Variants in CACNA1B observed in about 807,000 individuals in gnomAD.
CACNA1B encodes the protein voltage-dependent N-type calcium channel subunit alpha-1B.
CACNA1B carries 70 observed loss-of-function variants against 247.2 expected under a neutral mutation model. That is an observed-to-expected ratio of 0.28 (90% CI 0.23 to 0.35). The LOEUF is 0.35. Among genes scored for constraint, CACNA1B ranks in the 10% least tolerant of loss-of-function variants. CACNA1B has a pLI of 1.00. For synonymous variants in CACNA1B, 1,231 were observed against 1,294.4 expected (o/e 0.95, Z 1.05); for missense variants, 2,367 against 3,197.4 (o/e 0.74, Z 6.26).
intron 3 of CACNA1B, among the ~76,000 whole-genome samples, chr9:137,894,541 T>A (rs1391776381): frequency 6.6e-6 from 1 of 152,046 alleles, no homozygotes; most frequent in Non-Finnish European, 1.5e-5. Context: ...CCCGAGTAGC[T>A]GGGACTGCAG....
rs758320901 is a variant in CACNA1B, at chr9:138,117,902, C to T, written c.5778-44C>T. On this transcript the variant is annotated intron_variant, in intron 42 of 46. Coordinates refer to ENST00000371372, the MANE Select transcript of CACNA1B (RefSeq NM_000718.4). The stretch of plus-strand genomic sequence containing the variant: ...CACCAGGCTATTGGTAAGGCACCTG[C>T]AGTCTCTGACCCTACAGGAATCTGT... 4.0e-6 allele frequency: 6 copies of T among 1,486,572 alleles called. No homozygotes were observed. The East Asian group carries it at 1.4e-4, about 36-fold the overall frequency. 92.1% of individuals were successfully genotyped at this position (1,486,572 alleles called of 1,614,324 possible).
Position 137,952,286 on chromosome 9 carries a change from G to T in CACNA1B, c.979G>T (p.Ala327Ser). 1.2e-6 allele frequency: 2 copies of T among 1,613,604 alleles called. No individual in the cohort carries two copies. The highest frequency in any genetic ancestry group is 1.7e-6 in the Non-Finnish European group (2 of 1,179,674). ...TDILYNTNDA[A>S]GNTWNWLYFI... ...TCCTTGCTTCCAGACAAACGATGCG[G>T]CCGGCAACACCTGGAACTGGCTCTA... The change falls in exon 7 of 47, where the codon GCC becomes TCC. Residue 327 changes from alanine to serine, a missense_variant. By Grantham distance (99) the Ala-to-Ser change is moderately conservative (BLOSUM62 1). Around this residue, in one of 12 missense-constraint regions of CACNA1B, gnomAD observed 32 missense variants for 37.2 expected, o/e 0.86. Transcript: ENST00000371372. This position sits in a 1 kb window ranked among gnomAD's most constrained non-coding sequence, Gnocchi z 4.8.
At chr9:138,105,403 C>T (rs1961386385) in intron 38 of CACNA1B, among the ~76,000 whole-genome samples, 1 of 152,190 alleles carries the variant, frequency 6.6e-6, no homozygotes, top group African/African-American at 2.4e-5. Flanking sequence ...GGCAGGGGTC[C>T]CTCAGGGTGA....
intron 20 of CACNA1B, among the ~76,000 whole-genome samples, chr9:138,032,057 G>C (rs956754916): frequency 1.3e-5 from 2 of 151,836 alleles, no homozygotes; most frequent in African/African-American, 4.8e-5. Flanking sequence ...TTCTCTTTCT[G>C]TTTTTCATTT....
intron 31 of CACNA1B, among the ~76,000 whole-genome samples, chr9:138,062,088 T>C (rs1959745055): frequency 6.6e-6 from 1 of 152,218 alleles, no homozygotes; most frequent in Admixed American, 6.5e-5. Flanking sequence ...ACCCCATGCC[T>C]GTTCCCAAGG....
chr9:138,003,401 A>G (rs1958606017), intron 15 of CACNA1B, among the ~76,000 whole-genome samples: 1 of 151,126 alleles, frequency 6.6e-6, no homozygotes, highest in Non-Finnish European at 1.5e-5. Flanking sequence ...TCTATCTCCA[A>G]AGTGTTGGGA....
Position 138,050,980 on chromosome 9 carries a change from C to G in CACNA1B, c.3711-1112C>G, listed in dbSNP as rs1434916896. 6.6e-6 allele frequency among the ~76,000 whole-genome samples: 1 copy of G among 152,140 alleles called. No homozygotes were observed. Among genetic ancestry groups the G allele is most frequent in the Admixed American group, 6.5e-5 (1 of 15,282 alleles). On this transcript the variant is annotated intron_variant, in intron 24 of 46. Coordinates refer to ENST00000371372, the MANE Select transcript of CACNA1B (RefSeq NM_000718.4). The surrounding 1 kb of genome is among the most constrained non-coding windows in gnomAD (Gnocchi z 5.2). ...AGTGTTGCTGGAGCCCCAGGAAGAG[C>G]ACAGGGGGCAGGGCCACCCCTAGAA...
At chr9:137,975,242 C>T (rs1260517584) in intron 11 of CACNA1B, among the ~76,000 whole-genome samples, 1 of 152,176 alleles carries the variant, frequency 6.6e-6, no homozygotes, top group Non-Finnish European at 1.5e-5. Context: ...GCTGCTGTGC[C>T]CGCAGGAACC....
rs896359166 is a variant in CACNA1B, at chr9:138,007,022, A to C, written c.2092+138A>C. Reference sequence around the variant, plus strand: ...CATTCTCAGAGCTGAGTGCAGATGGAGAACATTCTGCAGGTGGCCGGAGCG... The same window carrying C: ...CATTCTCAGAGCTGAGTGCAGATGGCGAACATTCTGCAGGTGGCCGGAGCG... On this transcript the variant is annotated intron_variant, in intron 16 of 46. Transcript: ENST00000371372. The surrounding 1 kb of genome is among the most constrained non-coding windows in gnomAD (Gnocchi z 4.1). 1.3e-4 allele frequency: 83 copies of C among 620,030 alleles called. No individual in the cohort carries two copies. The Admixed American group carries it at 2.0e-3, about 15-fold the overall frequency. The allele number at this position is 620,030 out of a possible 1,614,324, so 38.4% of individuals were successfully genotyped here. A position where few individuals can be genotyped will look rare whatever the true frequency, so the allele number is the denominator to read the frequency against.
In CACNA1B at chr9:138,000,129, C is replaced by T. The variant is rs112365081; in HGVS notation, c.1975-6638C>T. 8.2e-3 allele frequency among the ~76,000 whole-genome samples: 1,211 copies of T among 147,984 alleles called. 6 individuals are homozygous for T. The highest frequency in any genetic ancestry group is 0.013 in the South Asian group (61 of 4,674). ...TTTTTTTTTTTTTGAGATGGAGTCT[C>T]GCTCTGTCGCCCAGGCTGGAGTGCA... On this transcript the variant is annotated intron_variant, in intron 15 of 46. Transcript: ENST00000371372.
At position 137,899,017 on chromosome 9, in the gene CACNA1B, C is replaced by T. The variant is rs1296993990; in HGVS notation, c.531-14163C>T. 1.3e-5 allele frequency among the ~76,000 whole-genome samples: 2 copies of T among 152,038 alleles called. No homozygotes were observed. Among genetic ancestry groups the T allele is most frequent in the East Asian group, 3.9e-4 (2 of 5,188 alleles). ...AAACTCCTGGACTCAAGCAGTCCTC[C>T]CGCCTCAGCTTTCCAAAGTGCTGGG... On this transcript the variant is annotated intron_variant, in intron 3 of 46. Transcript: ENST00000371372. The surrounding 1 kb of genome is among the most constrained non-coding windows in gnomAD (Gnocchi z 5.0).
In CACNA1B at chr9:137,917,922, G is replaced by C. The variant is rs1957430625; in HGVS notation, c.966+491G>C. 6.6e-6 allele frequency among the ~76,000 whole-genome samples: 1 copy of C among 152,212 alleles called. No individual in the cohort carries two copies. The highest frequency in any genetic ancestry group is 6.5e-5 in the Admixed American group (1 of 15,292). ...CAGCTGTTGCTGTGCCACCCCTCTAGGGTCTCTGTTGGAGTTGAGGGACAG... is the reference window on the plus strand; with the variant it reads ...CAGCTGTTGCTGTGCCACCCCTCTACGGTCTCTGTTGGAGTTGAGGGACAG... On this transcript the variant is annotated intron_variant, in intron 6 of 46. Coordinates refer to ENST00000371372, the MANE Select transcript of CACNA1B (RefSeq NM_000718.4). This position sits in a 1 kb window ranked among gnomAD's most constrained non-coding sequence, Gnocchi z 5.5.
At chr9:138,119,953 C>T (rs149932768) in intron 44 of CACNA1B, among the ~76,000 whole-genome samples, 12 of 152,324 alleles carry the variant, frequency 7.9e-5, no homozygotes, top group East Asian at 1.9e-4. Flanking sequence ...CTTCCTGGCA[C>T]GACACATGGG....
intron 6 of CACNA1B, among the ~76,000 whole-genome samples, chr9:137,942,889 G>GAA (rs1358024444): frequency 6.6e-6 from 1 of 152,082 alleles, no homozygotes; most frequent in Non-Finnish European, 1.5e-5. Context: ...ATAGGTGCAC[G>GAA]AAAATCTCAT....
chr9:138,068,122 C>T (rs190929623), intron 31 of CACNA1B, among the ~76,000 whole-genome samples: 5 of 152,214 alleles, frequency 3.3e-5, no homozygotes, highest in African/African-American at 7.2e-5. Flanking sequence ...AAGAAGCCTG[C>T]GGGCAGCCTG....
rs138443081 is a variant in CACNA1B, at chr9:138,066,166, A to G, written c.4669-3592A>G. Among the ~76,000 whole-genome samples, 47 of 152,360 alleles carry G rather than the reference A, an allele frequency of 3.1e-4. No individual in the cohort carries two copies. In the East Asian group the frequency reaches 8.9e-3, roughly 29 times the overall value. On this transcript the variant is annotated intron_variant, in intron 31 of 46. Transcript: ENST00000371372. ...CCATGTAATTTGGGCTCCTTCCTGCAGGGGAGCTCTGAGGGTAGTGTGGAT... is the reference window on the plus strand; with the variant it reads ...CCATGTAATTTGGGCTCCTTCCTGCGGGGGAGCTCTGAGGGTAGTGTGGAT...
Position 138,050,081 on chromosome 9 carries a change from C to T in CACNA1B, c.3710+766C>T, listed in dbSNP as rs1011015478. 24 of 1,289,490 alleles carry T rather than the reference C, an allele frequency of 1.9e-5. 1 individual carries two copies. In the East Asian group the frequency reaches 2.8e-4, roughly 15 times the overall value. The allele number at this position is 1,289,490 out of a possible 1,614,324, so 79.9% of individuals were successfully genotyped here. On this transcript the variant is annotated intron_variant, in intron 24 of 46. Coordinates refer to ENST00000371372, the MANE Select transcript of CACNA1B (RefSeq NM_000718.4). This position sits in a 1 kb window ranked among gnomAD's most constrained non-coding sequence, Gnocchi z 5.2. ...CTCTTGCTGGACTCGGCAGGAGCTT[C>T]GTGGGGTAATGCCTTCTCTCCCCCA...
intron 23 of CACNA1B, among the ~76,000 whole-genome samples, chr9:138,047,668 A>G (rs1959195443): frequency 6.6e-6 from 1 of 152,304 alleles, no homozygotes; most frequent in African/African-American, 2.4e-5. Context: ...CCGCGCTGGG[A>G]GTGCTCCCCA....
intron 15 of CACNA1B, among the ~76,000 whole-genome samples, chr9:137,991,136 T>C (rs1009682601): frequency 2.0e-5 from 3 of 152,116 alleles, no homozygotes; most frequent in Non-Finnish European, 4.4e-5. Flanking sequence ...ATTATTAAGC[T>C]AATCAAGGAG....
Sources: allele counts gnomAD v4.1 joint callset (sites outside exome capture counted in the v4.1 genomes callset), GRCh38; gene constraint gnomAD v4.1.1; regional missense constraint gnomAD v4.1.1; non-coding constraint Gnocchi (gnomAD v3.1); transcripts MANE v1.5; gene names NCBI Gene and HGNC (gene_info 2026-07-23, HGNC 2026-07-21).